DPP10: variants seen among roughly 807,000 people sequenced by gnomAD.
DPP10 encodes the protein inactive dipeptidyl peptidase 10.
In DPP10, 33 loss-of-function variants were observed where a neutral mutation model predicts 120.9. That is an observed-to-expected ratio of 0.27 (90% CI 0.21 to 0.37). The LOEUF (loss-of-function observed/expected upper bound fraction) is 0.37. Among genes scored for constraint, DPP10 ranks in the 10% least tolerant of loss-of-function variants. The pLI is 1.00. For missense variants in DPP10, 816 were observed against 942.8 expected (o/e 0.87, Z 1.76); for synonymous variants, 337 against 326.1 (o/e 1.03, Z -0.36).
At chr2:114,975,042 CTT>C (rs757024790) in intron 1 of DPP10, among the ~76,000 whole-genome samples, 24 of 141,028 alleles carry the variant, frequency 1.7e-4, no homozygotes, top group Admixed American at 3.5e-4. Context: ...GAAGGATTTG[CTT>C]TTTTTTTTTT....
At chr2:114,779,644 T>C (rs1040984513) in intron 1 of DPP10, among the ~76,000 whole-genome samples, 4 of 152,172 alleles carry the variant, frequency 2.6e-5, no homozygotes, top group Admixed American at 2.0e-4. Flanking sequence ...GGTCTGTTCA[T>C]GACCAGCCCT....
intron 1 of DPP10, among the ~76,000 whole-genome samples, chr2:115,105,608 C>T (rs1480728726): frequency 1.3e-5 from 2 of 152,144 alleles, no homozygotes; most frequent in Non-Finnish European, 2.9e-5. Context: ...ATATCCAACA[C>T]TGGGGATCAC....
intron 1 of DPP10, among the ~76,000 whole-genome samples, chr2:114,480,809 TAACA>T (rs925111871): frequency 4.0e-5 from 6 of 151,776 alleles, no homozygotes; most frequent in Non-Finnish European, 8.8e-5. Context: ...TATACATACG[TAACA>T]AACCTTCACG....
rs35372708 is a variant in DPP10 at position 114,633,248 on chromosome 2, CTT to C, written c.60+190432_60+190433del. On this transcript the variant is annotated intron_variant, in intron 1 of 25. Transcript: ENST00000410059. ...ATTTATTTCATATTGGTTTTTCTTTCTTTTTTTTTTTTTTTTTTTTTTTGACA... is the reference window on the plus strand; with the variant it reads ...ATTTATTTCATATTGGTTTTTCTTTCTTTTTTTTTTTTTTTTTTTTTGACA... Among the ~76,000 whole-genome samples, 503 of 72,716 alleles carry C rather than the reference CTT, an allele frequency of 6.9e-3. 3 individuals carry two copies. The highest frequency in any genetic ancestry group is 0.014 in the African/African-American group (192 of 13,628). The allele number at this position is 72,716 out of a possible 152,430, so 47.7% of individuals were successfully genotyped here. A position where few individuals can be genotyped will look rare whatever the true frequency, so the allele number is the denominator to read the frequency against.
intron 1 of DPP10, among the ~76,000 whole-genome samples, chr2:114,952,592 A>T (rs75436635): frequency 0.18 from 27,301 of 152,124 alleles, 2,567 homozygotes; most frequent in Admixed American, 0.24. Context: ...TCTATGCCAA[A>T]TAGAAAAATC....
At chr2:115,626,580 T>C (rs554893514) in intron 5 of DPP10, among the ~76,000 whole-genome samples, 1 of 152,298 alleles carries the variant, frequency 6.6e-6, no homozygotes, top group East Asian at 1.9e-4. Context: ...GTGTGGTCAT[T>C]CTCACATTGT....
intron 1 of DPP10, among the ~76,000 whole-genome samples, chr2:115,136,164 GA>G (rs5833579): frequency 0.76 from 115,028 of 150,608 alleles, 44,034 homozygotes; most frequent in East Asian, 0.96. Flanking sequence ...GGTTTATGCT[GA>G]AAAAAAAAAC....
intron 1 of DPP10, among the ~76,000 whole-genome samples, chr2:114,805,551 C>T (rs187245114): frequency 2.2e-3 from 338 of 152,330 alleles, no homozygotes; most frequent in African/African-American, 7.5e-3. Flanking sequence ...GTACTTAACG[C>T]TAGCCCTTCT....
At chr2:114,878,837 A>G (rs1462863122) in intron 1 of DPP10, among the ~76,000 whole-genome samples, 1 of 152,088 alleles carries the variant, frequency 6.6e-6, no homozygotes, top group African/African-American at 2.4e-5. Context: ...TCATCTGTTG[A>G]TGAACACTTA....
intron 1 of DPP10, among the ~76,000 whole-genome samples, chr2:115,109,860 T>C (rs1421700575): frequency 3.3e-5 from 5 of 152,116 alleles, no homozygotes; most frequent in Non-Finnish European, 7.4e-5. Context: ...CAAGAAAGAA[T>C]TATTCACCCT....
At chr2:115,166,924 G>T (rs2052919580) in intron 1 of DPP10, among the ~76,000 whole-genome samples, 1 of 152,134 alleles carries the variant, frequency 6.6e-6, no homozygotes, top group Admixed American at 6.5e-5. Context: ...CTTACAGTGT[G>T]ACATGTAGCA....
At chr2:115,735,372 T>C (rs2093011711) in intron 8 of DPP10, among the ~76,000 whole-genome samples, 1 of 152,102 alleles carries the variant, frequency 6.6e-6, no homozygotes, top group Non-Finnish European at 1.5e-5. Flanking sequence ...TAAAAACTTA[T>C]TATGTGATCT....
At chr2:115,054,667 C>T (rs1329498931) in intron 1 of DPP10, among the ~76,000 whole-genome samples, 2 of 152,174 alleles carry the variant, frequency 1.3e-5, no homozygotes, top group East Asian at 1.9e-4. Flanking sequence ...AATCCCACCA[C>T]TTAGGGAGGC....
At chr2:115,274,798 A>C (rs906210848) in intron 1 of DPP10, among the ~76,000 whole-genome samples, 1 of 152,218 alleles carries the variant, frequency 6.6e-6, no homozygotes, top group Non-Finnish European at 1.5e-5. Flanking sequence ...CTTAATAAGC[A>C]CATAATTGGC....
intron 1 of DPP10, among the ~76,000 whole-genome samples, chr2:114,876,562 A>G (rs147792104): frequency 6.9e-4 from 105 of 152,180 alleles, no homozygotes; most frequent in Non-Finnish European, 1.3e-3. Flanking sequence ...AATTCCTATC[A>G]TTGTTGTAAG....
intron 1 of DPP10, among the ~76,000 whole-genome samples, chr2:114,473,733 T>A (rs1226845155): frequency 6.6e-6 from 1 of 152,214 alleles, no homozygotes; most frequent in African/African-American, 2.4e-5. Context: ...TGATGGTAAC[T>A]GTATAATATT....
intron 1 of DPP10, among the ~76,000 whole-genome samples, chr2:114,880,875 G>C (rs1691546956): frequency 6.6e-6 from 1 of 152,106 alleles, no homozygotes; most frequent in Non-Finnish European, 1.5e-5. Flanking sequence ...GTATTGAAAA[G>C]GGTATGAAAG....
At chr2:115,232,574 T>G (rs2057789590) in intron 1 of DPP10, among the ~76,000 whole-genome samples, 1 of 152,228 alleles carries the variant, frequency 6.6e-6, no homozygotes, top group Non-Finnish European at 1.5e-5. Flanking sequence ...CTTCTGAACA[T>G]GTATAGAGTT....
chr2:115,098,459 A>G (rs2048512489), intron 1 of DPP10, among the ~76,000 whole-genome samples: 1 of 152,082 alleles, frequency 6.6e-6, no homozygotes, highest in Non-Finnish European at 1.5e-5. Context: ...AGCCTACTAC[A>G]CACCTAGGGT....
Sources: gnomAD v4.1 joint callset for allele counts (sites outside exome capture counted in the v4.1 genomes callset) on GRCh38, gnomAD v4.1.1 for gene constraint, MANE v1.5 for transcripts, NCBI Gene and HGNC (gene_info 2026-07-23, HGNC 2026-07-21) for gene names.